Variants in SOX5 observed in about 807,000 individuals in gnomAD.
SOX5 encodes the protein transcription factor SOX-5.
A neutral mutation model predicts 92.0 loss-of-function variants in SOX5; 9 were observed. That is an observed-to-expected ratio of 0.10 (90% confidence interval 0.06 to 0.17). The LOEUF is 0.17. Ranked by LOEUF, SOX5 falls within the 10% of genes least tolerant of loss-of-function variation. SOX5 has a pLI of 1.00. For synonymous variants in SOX5, 344 were observed against 336.3 expected, an observed-to-expected ratio of 1.02 and a Z score of -0.25; for missense variants, 642 against 944.5, an observed-to-expected ratio of 0.68 and a Z score of 4.20.
At chr12:23,877,166 T>C (rs918377177) in intron 2 of SOX5, among the ~76,000 whole-genome samples, 2 of 152,154 alleles carry the variant, frequency 1.3e-5, no homozygotes, top group Non-Finnish European at 2.9e-5. Flanking sequence ...TTTCTCTAAT[T>C]TTATTTAAGA....
At position 24,348,750 on chromosome 12, in the gene SOX5, C is replaced by T. The variant is rs1054191324; in HGVS notation, c.-174+19813G>A. ...AAATCTTATCTTGAATTGTAGCTCC[C>T]ATAATCCCCATGTGTCATGGGAGGG... On this transcript the variant is annotated intron_variant, in intron 2 of 4. Transcript: ENST00000446891. 2.6e-5 allele frequency among the ~76,000 whole-genome samples: 4 copies of T among 152,226 alleles called. No homozygotes were observed. In the East Asian group the frequency reaches 7.7e-4, roughly 29 times the overall value.
At chr12:24,441,618 T>C (rs971058307) in intron 1 of SOX5, among the ~76,000 whole-genome samples, 1 of 152,144 alleles carries the variant, frequency 6.6e-6, no homozygotes, top group African/African-American at 2.4e-5. Flanking sequence ...TCATGGTAAG[T>C]TCAGAGGAAA....
intron 1 of SOX5, among the ~76,000 whole-genome samples, chr12:24,560,569 A>T (rs1954236925): frequency 6.6e-6 from 1 of 152,208 alleles, no homozygotes; most frequent in Non-Finnish European, 1.5e-5. Context: ...ACCCCTAGAA[A>T]CTTTGTTCCA....
intron 4 of SOX5, among the ~76,000 whole-genome samples, chr12:24,107,776 G>C (rs1411239284): frequency 1.3e-5 from 2 of 152,098 alleles, no homozygotes; most frequent in African/African-American, 4.8e-5. Flanking sequence ...GCTTAAAGAG[G>C]GTCACTGAGA....
intron 3 of SOX5, among the ~76,000 whole-genome samples, chr12:23,777,345 A>G (rs1023066464): frequency 7.2e-5 from 11 of 152,198 alleles, no homozygotes; most frequent in Non-Finnish European, 1.5e-4. Context: ...ACAGGCAGGG[A>G]TACTCTTGTT....
In SOX5 at chr12:24,238,374, G is replaced by T. The variant is rs563781259; in HGVS notation, c.-76-24957C>A. Among the ~76,000 whole-genome samples, 4 of 152,216 alleles carry T rather than the reference G, an allele frequency of 2.6e-5. No individual in the cohort carries two copies. In the South Asian group the frequency reaches 6.2e-4, roughly 24 times the overall value. ...ACAAGAGTAGTTTTTTGAGTTTTTT[G>T]TTGTTGTTTGTTTATTGCCCAGGCT... On this transcript the variant is annotated intron_variant, in intron 3 of 4. Transcript: ENST00000446891.
intron 4 of SOX5, among the ~76,000 whole-genome samples, chr12:24,047,290 C>T (rs1013157385): frequency 6.6e-6 from 1 of 152,088 alleles, no homozygotes; most frequent in Non-Finnish European, 1.5e-5. Flanking sequence ...AACAGATAGT[C>T]ATGTTATTTA....
chr12:24,147,428 C>T (rs1951197224), intron 4 of SOX5, among the ~76,000 whole-genome samples: 1 of 152,160 alleles, frequency 6.6e-6, no homozygotes, highest in Admixed American at 6.5e-5. Context: ...GCAATATTCT[C>T]ACCACGATGA....
chr12:24,461,597 G>A (rs963334348), intron 1 of SOX5, among the ~76,000 whole-genome samples: 1 of 152,064 alleles, frequency 6.6e-6, no homozygotes, highest in African/African-American at 2.4e-5. Flanking sequence ...ACCATATACA[G>A]GCCACATATT....
chr12:23,981,744 G>A (rs565769644), intron 4 of SOX5, among the ~76,000 whole-genome samples: 46 of 151,842 alleles, frequency 3.0e-4, no homozygotes, highest in Non-Finnish European at 5.2e-4. Flanking sequence ...TTCATCAAGA[G>A]GCTAAAGACT....
At chr12:23,802,952 C>G (rs1032528884) in intron 3 of SOX5, among the ~76,000 whole-genome samples, 2 of 152,150 alleles carry the variant, frequency 1.3e-5, no homozygotes, top group Non-Finnish European at 2.9e-5. Context: ...CCCCTCTTCC[C>G]CAACATTCTC....
chr12:24,338,032 C>T (rs1031644644), intron 2 of SOX5, among the ~76,000 whole-genome samples: 1 of 152,084 alleles, frequency 6.6e-6, no homozygotes, highest in African/African-American at 2.4e-5. Flanking sequence ...ATCTTAAAAT[C>T]ATTCAAGAAA....
intron 3 of SOX5, among the ~76,000 whole-genome samples, chr12:24,221,247 C>G (rs1157830167): frequency 6.6e-6 from 1 of 152,134 alleles, no homozygotes; most frequent in Non-Finnish European, 1.5e-5. Context: ...GAAAAAAATA[C>G]AAGACATGAA....
chr12:24,141,610 C>T (rs1950589460), intron 4 of SOX5, among the ~76,000 whole-genome samples: 1 of 152,210 alleles, frequency 6.6e-6, no homozygotes, highest in African/African-American at 2.4e-5. Context: ...AAGACGGACA[C>T]TCACTGTCCC....
intron 4 of SOX5, among the ~76,000 whole-genome samples, chr12:23,966,863 A>T (rs1228988241): frequency 6.6e-6 from 1 of 152,178 alleles, no homozygotes; most frequent in East Asian, 1.9e-4. Flanking sequence ...TAAACTTTAA[A>T]AAGTAACACC....
intron 2 of SOX5, among the ~76,000 whole-genome samples, chr12:24,304,979 C>T (rs1948408948): frequency 6.6e-6 from 1 of 152,120 alleles, no homozygotes; most frequent in Admixed American, 6.5e-5. Flanking sequence ...AACCTAGGGG[C>T]ACCCTCCCCC....
At chr12:23,774,869 A>T (rs555548063) in intron 3 of SOX5, among the ~76,000 whole-genome samples, 1 of 152,336 alleles carries the variant, frequency 6.6e-6, no homozygotes, top group African/African-American at 2.4e-5. Flanking sequence ...AGTTTTAAAA[A>T]GATTTTTGTG....
intron 4 of SOX5, among the ~76,000 whole-genome samples, chr12:24,079,662 G>A (rs936512482): frequency 6.6e-6 from 1 of 151,808 alleles, no homozygotes; most frequent in Admixed American, 6.6e-5. Context: ...AAGGAGATCA[G>A]TCATTAAATT....
intron 2 of SOX5, among the ~76,000 whole-genome samples, chr12:24,348,065 A>G (rs977731905): frequency 6.6e-5 from 10 of 151,230 alleles, no homozygotes; most frequent in Non-Finnish European, 1.5e-4. Context: ...AAAAAAAAAA[A>G]AAAAACAGAA....
Sources: gnomAD v4.1 joint callset for allele counts (sites outside exome capture counted in the v4.1 genomes callset) on GRCh38, gnomAD v4.1.1 for gene constraint, MANE v1.5 for transcripts, NCBI Gene and HGNC (gene_info 2026-07-23, HGNC 2026-07-21) for gene names.